FABP7: variants seen among roughly 807,000 people sequenced by gnomAD.
FABP7 encodes fatty acid binding protein 7.
Under a neutral mutation model 14.2 loss-of-function variants are expected in FABP7, and 13 were observed. The ratio of observed to expected loss-of-function variants is 0.91; its 90% CI spans 0.59 to 1.45. The LOEUF (loss-of-function observed/expected upper bound fraction) is 1.45, where lower values mean the gene tolerates loss of function less well. Among genes scored for constraint, FABP7 ranks in the 40% most tolerant of loss-of-function variants. The probability of loss-of-function intolerance (pLI) is 0.00; values close to 1 mark genes in which losing one functional copy is unlikely to be tolerated. For synonymous variants in FABP7, 49 were observed against 51.4 expected (o/e 0.95, Z 0.20); for missense variants, 149 against 157.6 (o/e 0.95, Z 0.29).
chr6:122,768,645 A>T, the FABP7 span, among the ~76,000 whole-genome samples: 1 of 152,162 alleles, frequency 6.6e-6, no homozygotes, highest in East Asian at 1.9e-4. Context: ...GAAAATAATT[A>T]TGTAATTAGC....
At chr6:122,770,862 A>G in the FABP7 span, among the ~76,000 whole-genome samples, 2 of 152,216 alleles carry the variant, frequency 1.3e-5, no homozygotes, top group Non-Finnish European at 2.9e-5. Flanking sequence ...AGACTGACTT[A>G]TCTGATTCAT....
chr6:122,779,614 T>A, upstream of FABP7: 1 of 618,100 alleles, frequency 1.6e-6, no homozygotes, highest in Non-Finnish European at 2.9e-6. Flanking sequence ...TGTGACAGCC[T>A]CTTGGAAAGA....
At chr6:122,764,884 C>G in the FABP7 span, among the ~76,000 whole-genome samples, 1 of 152,156 alleles carries the variant, frequency 6.6e-6, no homozygotes, top group East Asian at 1.9e-4. Flanking sequence ...ACAGCAGACT[C>G]AAGCAACTAG....
intron 3 of FABP7, 25 bp from the exon 4 acceptor site, chr6:122,783,692 T>C (rs1288506680): frequency 1.9e-6 from 3 of 1,578,988 alleles, no homozygotes; most frequent in Non-Finnish European, 2.6e-6. Context: ...TATAAAAAGA[T>C]TTGATTATCT....
the FABP7 span, among the ~76,000 whole-genome samples, chr6:122,766,693 A>G: frequency 3.3e-5 from 5 of 152,144 alleles, no homozygotes; most frequent in Non-Finnish European, 4.4e-5. Context: ...AGTGATATAA[A>G]TAGGTGAACA....
upstream of FABP7, among the ~76,000 whole-genome samples, chr6:122,777,546 A>G (rs755583042): frequency 2.0e-5 from 3 of 152,202 alleles, no homozygotes; most frequent in Non-Finnish European, 4.4e-5. Context: ...TCTTTGTGTC[A>G]ATAAGACACC....
At chr6:122,775,964 T>C (rs889920808), upstream of FABP7, among the ~76,000 whole-genome samples, 2 of 152,006 alleles carry the variant, frequency 1.3e-5, no homozygotes, top group Non-Finnish European at 1.5e-5. Flanking sequence ...CACTAATTAT[T>C]AGGGAAATAC....
At chr6:122,768,408 A>G in the FABP7 span, among the ~76,000 whole-genome samples, 2 of 152,180 alleles carry the variant, frequency 1.3e-5, no homozygotes, top group Non-Finnish European at 1.5e-5. Flanking sequence ...AGCATATTAC[A>G]TAACAATGTA....
rs1562339870 is a variant in FABP7 at position 122,781,084 on chromosome 6, T to C, written c.247-9T>C. The C allele has an allele frequency of 2.5e-6, 4 of 1,607,154 alleles. No individual in the cohort carries two copies. The African/African-American group carries it at 4.0e-5, about 16-fold the overall frequency. ...ATTGCTATGTTCTGCATTTTGTTGT[T>C]GGTCTCAGTCTGTTGTTAGCCTGGA... On this transcript the variant is annotated splice_polypyrimidine_tract_variant and intron_variant, in intron 2 of 3. Coordinates refer to ENST00000368444, the MANE Select transcript of FABP7 (RefSeq NM_001446.5).
At chr6:122,759,806 C>A in the FABP7 span, among the ~76,000 whole-genome samples, 3 of 151,840 alleles carry the variant, frequency 2.0e-5, no homozygotes, top group Admixed American at 2.0e-4. Context: ...GCCATTTTTT[C>A]TTTTTTTTAA....
intron 2 of FABP7, 167 bp downstream of exon 2, chr6:122,780,630 G>T: frequency 1.4e-6 from 1 of 700,690 alleles, no homozygotes; most frequent in Non-Finnish European, 2.4e-6. Flanking sequence ...GTTATATTTT[G>T]AACAATGGGT....
At chr6:122,776,005 TC>T (rs1780667292), upstream of FABP7, among the ~76,000 whole-genome samples, 1 of 151,940 alleles carries the variant, frequency 6.6e-6, no homozygotes, top group Non-Finnish European at 1.5e-5. Flanking sequence ...TATCACCTCA[TC>T]CCAGTTAAAA....
At chr6:122,782,781 A>G (rs1562340801) in intron 3 of FABP7, 1 of 985,202 alleles carries the variant, frequency 1.0e-6, no homozygotes, top group African/African-American at 1.7e-5. Context: ...TGAGATATTC[A>G]TGTTTCTGTG....
the FABP7 span, among the ~76,000 whole-genome samples, chr6:122,769,507 G>A: frequency 3.3e-5 from 5 of 152,070 alleles, no homozygotes; most frequent in South Asian, 2.1e-4. Context: ...TCAATGATTA[G>A]CACTTTCTTG....
At position 122,782,010 on chromosome 6, in the gene FABP7, C is replaced by T; in HGVS notation, c.348+816C>T. ...TGCTCCCGCCTGCTGCCTCGGCCTC[C>T]CAGAGTGCTGGGATTACAGGCCTGA... On this transcript the variant is annotated intron_variant, in intron 3 of 3. Transcript: ENST00000368444. 3 of 963,718 alleles carry T rather than the reference C, an allele frequency of 3.1e-6. No homozygotes were observed. The African/African-American group carries it at 5.3e-5, about 17-fold the overall frequency. 59.7% of individuals were successfully genotyped at this position (963,718 alleles called of 1,614,324 possible).
Position 122,781,213 on chromosome 6 carries a change from C to T in FABP7, c.348+19C>T, listed in dbSNP as rs753331798. 3.7e-6 allele frequency: 6 copies of T among 1,613,012 alleles called. No individual in the cohort carries two copies. Among genetic ancestry groups the T allele is most frequent in the Admixed American group, 3.3e-5 (2 of 59,970 alleles). On this transcript the variant is annotated intron_variant, in intron 3 of 3. Coordinates refer to ENST00000368444, the MANE Select transcript of FABP7 (RefSeq NM_001446.5). ...GGTTATGGTAAGTAATGACAATTCT[C>T]CATTCTTCCTTGTTTTTTTCTCCTC... is the stretch of plus-strand genomic sequence containing the variant.
the FABP7 span, among the ~76,000 whole-genome samples, chr6:122,749,694 T>C: frequency 6.6e-6 from 1 of 152,202 alleles, no homozygotes; most frequent in African/African-American, 2.4e-5. Flanking sequence ...CTTGCCAGTC[T>C]GCAAAACAAA....
chr6:122,781,200 T>C lies in FABP7; in HGVS notation c.348+6T>C, dbSNP rs114216518. ...AGGATGGCAAAATGGTTATGGTAAGTAATGACAATTCTCCATTCTTCCTTG... is the reference window on the plus strand; with the variant it reads ...AGGATGGCAAAATGGTTATGGTAAGCAATGACAATTCTCCATTCTTCCTTG... On this transcript the variant is annotated splice_donor_region_variant and intron_variant, in intron 3 of 3. Transcript: ENST00000368444. The C allele has an allele frequency of 2.3e-3, 3,722 of 1,613,816 alleles. 76 individuals are homozygous for C. In the African/African-American group the frequency reaches 0.039, roughly 17 times the overall value.
chr6:122,782,842 A>G, intron 3 of FABP7: 1 of 985,318 alleles, frequency 1.0e-6, no homozygotes, highest in Non-Finnish European at 1.2e-6. Flanking sequence ...GTTAAAGGAT[A>G]TTTGCTCACA....
Sources: gnomAD v4.1 joint callset for allele counts (sites outside exome capture counted in the v4.1 genomes callset) on GRCh38, gnomAD v4.1.1 for gene constraint, MANE v1.5 for transcripts, NCBI Gene and HGNC (gene_info 2026-07-23, HGNC 2026-07-21) for gene names.